AFF3: variants seen among roughly 807,000 people sequenced by gnomAD.
AFF3 encodes AF4/FMR2 family member 3.
Under a neutral mutation model 129.7 loss-of-function variants are expected in AFF3, and 32 were observed. The ratio of observed to expected loss-of-function variants is 0.25; its 90% CI spans 0.19 to 0.33. The LOEUF is 0.33. Ranked by LOEUF, AFF3 falls within the 10% of genes least tolerant of loss-of-function variation. The probability of loss-of-function intolerance (pLI) is 1.00; values close to 1 mark genes in which losing one functional copy is unlikely to be tolerated. For missense variants in AFF3, 1,373 were observed against 1,592.0 expected (o/e 0.86, Z 2.34); for synonymous variants, 644 against 635.4 (o/e 1.01, Z -0.20).
intron 1 of AFF3, among the ~76,000 whole-genome samples, chr2:100,130,840 G>T (rs1268828756): frequency 6.6e-6 from 1 of 152,084 alleles, no homozygotes; most frequent in African/African-American, 2.4e-5. Context: ...TCTCAGCTGA[G>T]ATGACAGAGG....
intron 18 of AFF3, among the ~76,000 whole-genome samples, chr2:99,575,629 G>C (rs754179692): frequency 1.1e-4 from 16 of 152,176 alleles, no homozygotes; most frequent in Non-Finnish European, 1.8e-4. Context: ...GTGGCTGTTT[G>C]AGTTGCATGT....
intron 12 of AFF3, among the ~76,000 whole-genome samples, chr2:99,667,170 G>A (rs537845194): frequency 1.3e-5 from 2 of 152,186 alleles, no homozygotes; most frequent in East Asian, 3.9e-4. Context: ...TATAAGAATT[G>A]AAGTCATACA....
At chr2:100,046,646 A>C (rs559927324) in intron 4 of AFF3, among the ~76,000 whole-genome samples, 1 of 152,324 alleles carries the variant, frequency 6.6e-6, no homozygotes, top group East Asian at 1.9e-4. Context: ...TGTTTGACCA[A>C]TGTTAGTCAG....
chr2:99,607,995 G>C (rs1184564244), intron 13 of AFF3, among the ~76,000 whole-genome samples: 3 of 152,042 alleles, frequency 2.0e-5, no homozygotes, highest in Admixed American at 2.0e-4. Flanking sequence ...CAGGACTGTT[G>C]CTTCTATCCT....
chr2:99,597,047 T>C (rs1255179008), intron 14 of AFF3, among the ~76,000 whole-genome samples: 8 of 152,218 alleles, frequency 5.3e-5, no homozygotes, highest in Non-Finnish European at 1.2e-4. Context: ...TATTATCTCA[T>C]TTAATCTTTA....
At chr2:99,793,292 G>A (rs1256557752) in intron 8 of AFF3, among the ~76,000 whole-genome samples, 1 of 152,132 alleles carries the variant, frequency 6.6e-6, no homozygotes, top group Non-Finnish European at 1.5e-5. Context: ...GTGAGGCCTC[G>A]CCAGAAGCGA....
intron 8 of AFF3, among the ~76,000 whole-genome samples, chr2:99,791,925 T>C (rs529778532): frequency 6.6e-6 from 1 of 152,184 alleles, no homozygotes; most frequent in East Asian, 1.9e-4. Flanking sequence ...TGATGTCCCT[T>C]ATGGAGGAAA....
intron 12 of AFF3, among the ~76,000 whole-genome samples, chr2:99,654,362 A>C (rs1685557837): frequency 6.6e-6 from 1 of 152,220 alleles, no homozygotes; most frequent in Admixed American, 6.5e-5. Context: ...TATATACCAG[A>C]GCAAAGGCCA....
intron 15 of AFF3, among the ~76,000 whole-genome samples, chr2:99,590,532 G>C (rs1678564259): frequency 1.3e-5 from 2 of 152,314 alleles, no homozygotes; most frequent in South Asian, 4.1e-4. Context: ...CTGCAGGAGG[G>C]AAACGGTAAA....
chr2:99,751,831 G>A (rs539985854), intron 9 of AFF3, among the ~76,000 whole-genome samples: 4 of 152,094 alleles, frequency 2.6e-5, no homozygotes, highest in East Asian at 1.9e-4. Flanking sequence ...AATACCACAC[G>A]TCTTCAATAC....
chr2:99,814,292 G>C (rs1267982518), intron 8 of AFF3, among the ~76,000 whole-genome samples: 1 of 152,010 alleles, frequency 6.6e-6, no homozygotes, highest in Non-Finnish European at 1.5e-5. Flanking sequence ...TGGGGGCTTG[G>C]GGATAACTAA....
chr2:99,582,863 A>G lies in AFF3; in HGVS notation c.2728T>C (p.Ser910Pro). 1 of 1,614,220 alleles carries G rather than the reference A, an allele frequency of 6.2e-7. No individual in the cohort carries two copies. Among genetic ancestry groups the G allele is most frequent in the African/African-American group, 1.3e-5 (1 of 75,056 alleles). Residue 910 changes from serine to proline, a missense_variant, in exon 17 of 25, where the codon TCA becomes CCA. By Grantham distance (74) the Ser-to-Pro change is moderately conservative. Coordinates refer to ENST00000672756, the MANE Select transcript of AFF3 (RefSeq NM_001386135.1). ...TTAGGCTTTTTGCTGGAAGAGGCTG[A>G]AGTAAACAAACTGTTGCCATTAGGT... ...SRPNGNSLFT[S>P]ASSSKKPKAD... is the part of the protein sequence containing the mutation.
intron 2 of AFF3, among the ~76,000 whole-genome samples, chr2:100,114,160 T>C (rs1050014829): frequency 1.3e-5 from 2 of 152,160 alleles, no homozygotes; most frequent in Non-Finnish European, 2.9e-5. Context: ...CACAGAGGAT[T>C]CAGCCCAGGG....
At chr2:99,634,384 C>G (rs1683420696) in intron 13 of AFF3, among the ~76,000 whole-genome samples, 1 of 152,174 alleles carries the variant, frequency 6.6e-6, no homozygotes. Flanking sequence ...TGAAGGGGAC[C>G]CAGGAAATCA....
chr2:99,651,656 G>A (rs1394194319), intron 12 of AFF3, among the ~76,000 whole-genome samples: 2 of 151,994 alleles, frequency 1.3e-5, no homozygotes, highest in Admixed American at 1.3e-4. Flanking sequence ...TGGCCAAGCT[G>A]GTCTCGAACT....
chr2:99,555,664 G>C (rs959303579), intron 22 of AFF3, among the ~76,000 whole-genome samples: 4 of 152,256 alleles, frequency 2.6e-5, no homozygotes, highest in African/African-American at 9.6e-5. Context: ...AGCGGTCTTT[G>C]TGATGCTGAT....
In AFF3 at chr2:100,061,857, A is replaced by AGGG. The variant is rs11370065; in HGVS notation, c.53+42542_53+42544dup. On this transcript the variant is annotated intron_variant, in intron 4 of 24. Coordinates refer to ENST00000672756, the MANE Select transcript of AFF3 (RefSeq NM_001386135.1). ...ACCAAAGAGATGGGTAGCACAGTGGAGGGGGGGGGGGTGCCGACTCTCAAG... is the reference window on the plus strand; with the variant it reads ...ACCAAAGAGATGGGTAGCACAGTGGAGGGGGGGGGGGGGGTGCCGACTCTCAAG... Among the ~76,000 whole-genome samples the AGGG allele has an allele frequency of 1.9e-3, 186 of 97,272 alleles. 3 individuals are homozygous for AGGG. The highest frequency in any genetic ancestry group is 0.011 in the South Asian group (27 of 2,394). The allele number at this position is 97,272 out of a possible 152,430, so 63.8% of individuals were successfully genotyped here.
At chr2:99,707,003 T>C (rs1677459218) in intron 11 of AFF3, 1 of 714,514 alleles carries the variant, frequency 1.4e-6, no homozygotes, top group Non-Finnish European at 1.7e-6. Context: ...CATTTGCATA[T>C]TCAGCAGACA....
intron 7 of AFF3, among the ~76,000 whole-genome samples, chr2:99,891,330 G>A (rs1266878159): frequency 6.6e-6 from 1 of 152,136 alleles, no homozygotes; most frequent in African/African-American, 2.4e-5. Context: ...TGAAAGGCGT[G>A]TTCCCAGCAG....
Sources: allele counts gnomAD v4.1 joint callset (sites outside exome capture counted in the v4.1 genomes callset), GRCh38; gene constraint gnomAD v4.1.1; transcripts MANE v1.5; gene names NCBI Gene and HGNC (gene_info 2026-07-23, HGNC 2026-07-21).